The following CDH9 variants were observed in gnomAD, a reference collection of about 807,000 sequenced individuals.
CDH9 encodes the protein cadherin 9, also known as cadherin-9.
CDH9 carries 28 observed loss-of-function variants against 70.9 expected under a neutral mutation model. The observed-to-expected ratio is 0.40, with a 90% CI of 0.29 to 0.54. The LOEUF is 0.54. CDH9 is among the 20% of genes least tolerant of loss of function. The probability of loss-of-function intolerance (pLI) is 0.59; values close to 1 mark genes in which losing one functional copy is unlikely to be tolerated. For synonymous variants in CDH9, 409 were observed against 343.1 expected (o/e 1.19, Z -2.12); for missense variants, 874 against 984.4 (o/e 0.89, Z 1.50).
At chr5:26,990,670 G>T (rs777357357) in intron 1 of CDH9, among the ~76,000 whole-genome samples, 1 of 152,180 alleles carries the variant, frequency 6.6e-6, no homozygotes, top group Non-Finnish European at 1.5e-5. Context: ...CCCATGTTTT[G>T]TAGCTGAGTG....
chr5:26,989,166 G>C (rs1367322812), intron 1 of CDH9, among the ~76,000 whole-genome samples: 1 of 151,968 alleles, frequency 6.6e-6, no homozygotes, highest in Admixed American at 6.6e-5. Context: ...AGGATAATCT[G>C]ATCCAGAATT....
chr5:27,013,360 A>G (rs1262772228), intron 1 of CDH9, among the ~76,000 whole-genome samples: 1 of 151,918 alleles, frequency 6.6e-6, no homozygotes, highest in African/African-American at 2.4e-5. Flanking sequence ...TGATCCATGA[A>G]TTGCTGTCTG....
At chr5:27,025,356 G>A (rs1311105197) in intron 1 of CDH9, among the ~76,000 whole-genome samples, 1 of 151,944 alleles carries the variant, frequency 6.6e-6, no homozygotes, top group East Asian at 1.9e-4. Context: ...AAGATGACTG[G>A]GCTCATCACC....
chr5:26,959,488 C>A (rs1158517626), intron 2 of CDH9, among the ~76,000 whole-genome samples: 1 of 152,188 alleles, frequency 6.6e-6, no homozygotes, highest in South Asian at 2.1e-4. Context: ...TATGACTCAG[C>A]AATTCTACTT....
Position 26,969,665 on chromosome 5 carries a change from G to A in CDH9, c.228+18441C>T, listed in dbSNP as rs533479901. Among the ~76,000 whole-genome samples, 427 of 152,150 alleles carry A rather than the reference G, an allele frequency of 2.8e-3. 6 individuals carry two copies. The highest frequency in any genetic ancestry group is 9.9e-3 in the African/African-American group (412 of 41,558). On this transcript the variant is annotated intron_variant, in intron 2 of 11. Coordinates refer to ENST00000231021, the MANE Select transcript of CDH9 (RefSeq NM_016279.4). ...TTTGTTGTGAAACTGAAATGTCACAGAGAAGGGCTTAAAACTAACATATTT... is the reference window on the plus strand; with the variant it reads ...TTTGTTGTGAAACTGAAATGTCACAAAGAAGGGCTTAAAACTAACATATTT...
intron 5 of CDH9, among the ~76,000 whole-genome samples, chr5:26,904,848 C>G (rs1024177554): frequency 6.6e-6 from 1 of 151,902 alleles, no homozygotes; most frequent in Non-Finnish European, 1.5e-5. Flanking sequence ...AGTTCTGGGT[C>G]TAGTCCTTAA....
intron 2 of CDH9, among the ~76,000 whole-genome samples, chr5:26,969,802 T>C (rs1356387360): frequency 6.6e-6 from 1 of 151,768 alleles, no homozygotes; most frequent in African/African-American, 2.4e-5. Context: ...TTCCTTGTCT[T>C]ATTGAAAATT....
intron 7 of CDH9, among the ~76,000 whole-genome samples, chr5:26,899,428 A>G (rs1349511482): frequency 6.6e-6 from 1 of 152,124 alleles, no homozygotes. Context: ...CCAAATGTCC[A>G]TCAATGATAG....
chr5:26,906,099 A>G lies in CDH9; in HGVS notation c.671T>C (p.Met224Thr). ...GTACTGCTCTCTATTTTCTCTGCTCATGTCTGGTAATGCAGTTTTTATTAT... is the reference window on the plus strand; with the variant it reads ...GTACTGCTCTCTATTTTCTCTGCTCGTGTCTGGTAATGCAGTTTTTATTAT... ...SGIIKTALPD[M>T]SRENREQYQV... Residue 224 changes from methionine (M) to threonine (T), a missense_variant, in exon 5 of 12, where the codon ATG becomes ACG. Met to Thr is a moderately conservative substitution (Grantham distance 81). Coordinates refer to ENST00000231021, the MANE Select transcript of CDH9 (RefSeq NM_016279.4). The G allele has an allele frequency of 1.2e-6, 2 of 1,613,024 alleles. No homozygotes were observed. The highest frequency in any genetic ancestry group is 1.7e-6 in the Non-Finnish European group (2 of 1,179,434).
intron 1 of CDH9, among the ~76,000 whole-genome samples, chr5:27,000,760 A>G (rs2112104919): frequency 6.6e-6 from 1 of 152,288 alleles, no homozygotes; most frequent in East Asian, 1.9e-4. Flanking sequence ...AGATTCCTAT[A>G]ATTGAACATT....
At chr5:26,940,690 A>T (rs934239482) in intron 2 of CDH9, among the ~76,000 whole-genome samples, 1 of 152,190 alleles carries the variant, frequency 6.6e-6, no homozygotes, top group African/African-American at 2.4e-5. Context: ...AGGGAGCAGA[A>T]CCATTGTCTA....
chr5:26,953,117 T>G (rs142552240), intron 2 of CDH9, among the ~76,000 whole-genome samples: 1 of 152,198 alleles, frequency 6.6e-6, no homozygotes, highest in African/African-American at 2.4e-5. Context: ...TTCTGGAACA[T>G]TTTTCTCTAT....
At chr5:26,974,239 C>T (rs1001169838) in intron 2 of CDH9, among the ~76,000 whole-genome samples, 2 of 151,818 alleles carry the variant, frequency 1.3e-5, no homozygotes, top group African/African-American at 4.8e-5. Flanking sequence ...GAGACTCCAT[C>T]TAAAAAAATA....
At chr5:27,000,157 A>G (rs1403031328) in intron 1 of CDH9, among the ~76,000 whole-genome samples, 1 of 152,168 alleles carries the variant, frequency 6.6e-6, no homozygotes, top group Non-Finnish European at 1.5e-5. Flanking sequence ...TATCTAAAAT[A>G]TAAAAAGAAC....
chr5:26,887,519 A>C (rs1579662448), intron 9 of CDH9, among the ~76,000 whole-genome samples: 1 of 151,444 alleles, frequency 6.6e-6, no homozygotes, highest in South Asian at 2.1e-4. Context: ...ATTAGCATAT[A>C]ATATATCAAT....
chr5:27,000,698 T>C (rs1424405142), intron 1 of CDH9, among the ~76,000 whole-genome samples: 1 of 152,062 alleles, frequency 6.6e-6, no homozygotes, highest in African/African-American at 2.4e-5. Context: ...CTCCAAAAAT[T>C]GGTGGAAAAA....
chr5:26,887,461 A>G (rs1740584345), intron 9 of CDH9, among the ~76,000 whole-genome samples: 1 of 150,110 alleles, frequency 6.7e-6, no homozygotes, highest in African/African-American at 2.4e-5. Context: ...AATATATATT[A>G]AATAATTATA....
intron 3 of CDH9, among the ~76,000 whole-genome samples, chr5:26,908,303 C>G (rs1331831066): frequency 6.6e-6 from 1 of 151,034 alleles, no homozygotes; most frequent in Non-Finnish European, 1.5e-5. Flanking sequence ...ATTCCCCCCA[C>G]ACAAATCACT....
chr5:26,987,483 C>A (rs1163791364), intron 2 of CDH9, among the ~76,000 whole-genome samples: 1 of 151,794 alleles, frequency 6.6e-6, no homozygotes, highest in Non-Finnish European at 1.5e-5. Flanking sequence ...CTCTAAACAC[C>A]AATGAAAGAG....
Sources: allele counts gnomAD v4.1 joint callset (sites outside exome capture counted in the v4.1 genomes callset), GRCh38; gene constraint gnomAD v4.1.1; transcripts MANE v1.5; gene names NCBI Gene and HGNC (gene_info 2026-07-23, HGNC 2026-07-21).